The following FAM81A variants were observed in gnomAD, a reference collection of about 807,000 sequenced individuals.
FAM81A encodes the protein protein FAM81A.
Under a neutral mutation model 46.7 loss-of-function variants are expected in FAM81A, and 19 were observed. The observed-to-expected ratio is 0.41, with a 90% CI of 0.28 to 0.60. The LOEUF is 0.60. FAM81A is among the 20% of genes least tolerant of loss of function. The pLI, the probability that FAM81A is intolerant of heterozygous loss-of-function variation, is 0.34. For missense variants in FAM81A, 377 were observed against 453.5 expected, an observed-to-expected ratio of 0.83 and a Z score of 1.53; for synonymous variants, 183 against 152.9, an observed-to-expected ratio of 1.20 and a Z score of -1.45.
chr15:59,466,923 A>G (rs1454503471), intron 3 of FAM81A, among the ~76,000 whole-genome samples: 1 of 152,150 alleles, frequency 6.6e-6, no homozygotes, highest in Non-Finnish European at 1.5e-5. Flanking sequence ...CTTTCTGCAT[A>G]TGGCTAGCCA....
rs1032175021 is a variant in FAM81A, at chr15:59,514,185, C to T, written c.651-104C>T. 4.2e-6 allele frequency: 5 copies of T among 1,181,050 alleles called. No homozygotes were observed. In the East Asian group the frequency reaches 7.8e-5, roughly 18 times the overall value. 73.2% of individuals were successfully genotyped at this position (1,181,050 alleles called of 1,614,324 possible). On this transcript the variant is annotated intron_variant, in intron 6 of 8. Coordinates refer to ENST00000288228, the MANE Select transcript of FAM81A (RefSeq NM_152450.3). ...GCAAACCACCATGGCACATGTTTAC[C>T]TGTGTAACAAATCTGTATATCCTCA...
rs958203454 is a variant in FAM81A, at chr15:59,428,337, A to G, written c.-78+25979A>G. 6.6e-5 allele frequency among the ~76,000 whole-genome samples: 10 copies of G among 152,040 alleles called. No homozygotes were observed. In the East Asian group the frequency reaches 1.2e-3, roughly 18 times the overall value. On this transcript the variant is annotated intron_variant, in intron 2 of 4. Coordinates refer to the FAM81A transcript ENST00000558348. The stretch of plus-strand genomic sequence containing the variant: ...TCAGATGAGTCCTCTACTTAATCCA[A>G]TCTGCAGTGATTGCTCTCCATCAGA...
chr15:59,416,771 A>G (rs2081148509), intron 2 of FAM81A, among the ~76,000 whole-genome samples: 1 of 152,154 alleles, frequency 6.6e-6, no homozygotes, highest in African/African-American at 2.4e-5. Context: ...CAGGTATCCC[A>G]TACCTGTCAT....
chr15:59,468,807 G>C (rs186147046), intron 3 of FAM81A, among the ~76,000 whole-genome samples: 2 of 152,208 alleles, frequency 1.3e-5, no homozygotes, highest in East Asian at 3.9e-4. Flanking sequence ...TGTGTTGTTA[G>C]GGTGTCAAAT....
At chr15:59,515,776 A>G (rs2141840173) in intron 7 of FAM81A, among the ~76,000 whole-genome samples, 1 of 152,356 alleles carries the variant, frequency 6.6e-6, no homozygotes, top group East Asian at 1.9e-4. Flanking sequence ...CACTGTTTAT[A>G]TATGGATTGG....
intron 3 of FAM81A, among the ~76,000 whole-genome samples, chr15:59,476,605 A>AG (rs2081772292): frequency 1.3e-5 from 2 of 149,964 alleles, no homozygotes; most frequent in African/African-American, 4.9e-5. Context: ...GGCCAACATG[A>AG]TGAAACCCCA....
intron 2 of FAM81A, among the ~76,000 whole-genome samples, chr15:59,421,408 GAA>G (rs1204206067): frequency 6.6e-6 from 1 of 152,146 alleles, no homozygotes; most frequent in Non-Finnish European, 1.5e-5. Context: ...GTTTCTGGAG[GAA>G]AATGGGCAGC....
At chr15:59,448,541 G>GATAGA (rs1555428230) in intron 1 of FAM81A, among the ~76,000 whole-genome samples, 66 of 151,920 alleles carry the variant, frequency 4.3e-4, no homozygotes, top group Middle Eastern at 3.4e-3. Context: ...AGATAGATAG[G>GATAGA]TAGATAGATA....
chr15:59,448,904 A>G (rs923905349), intron 1 of FAM81A, among the ~76,000 whole-genome samples: 3 of 152,140 alleles, frequency 2.0e-5, no homozygotes, highest in Non-Finnish European at 4.4e-5. Flanking sequence ...GCCTGAAATG[A>G]TCATCCTACT....
intron 1 of FAM81A, among the ~76,000 whole-genome samples, chr15:59,454,115 G>A (rs982376041): frequency 6.6e-6 from 1 of 152,214 alleles, no homozygotes; most frequent in East Asian, 1.9e-4. Flanking sequence ...ACCTTCCACT[G>A]TTCCTGCCCT....
intron 3 of FAM81A, among the ~76,000 whole-genome samples, chr15:59,484,066 C>G (rs1476757230): frequency 6.6e-6 from 1 of 152,212 alleles, no homozygotes; most frequent in Non-Finnish European, 1.5e-5. Flanking sequence ...CTCAAGACTA[C>G]CTACTTAAGG....
chr15:59,401,127 T>C, intron 1 of FAM81A: 3 of 693,308 alleles, frequency 4.3e-6, no homozygotes, highest in Non-Finnish European at 5.4e-6. Context: ...ATTGCAGACA[T>C]GTATGGCTGT....
chr15:59,516,538 C>T, intron 7 of FAM81A, 107 bp from the exon 8 acceptor site: 2 of 1,121,904 alleles, frequency 1.8e-6, no homozygotes, highest in Middle Eastern at 4.7e-4. Context: ...GCAGCTGTTG[C>T]AAATCTGTTT....
intron 3 of FAM81A, among the ~76,000 whole-genome samples, chr15:59,476,136 C>A (rs1031585966): frequency 1.3e-5 from 2 of 152,100 alleles, no homozygotes; most frequent in Non-Finnish European, 2.9e-5. Context: ...TAATCCCATT[C>A]GTGAAGATTC....
intron 2 of FAM81A, among the ~76,000 whole-genome samples, chr15:59,423,043 C>G (rs1596464704): frequency 6.6e-6 from 1 of 152,058 alleles, no homozygotes; most frequent in South Asian, 2.1e-4. Context: ...TATATATTTT[C>G]TTTTCCAATC....
At chr15:59,512,113 C>T (rs1355982772) in intron 6 of FAM81A, among the ~76,000 whole-genome samples, 1 of 152,152 alleles carries the variant, frequency 6.6e-6, no homozygotes, top group Non-Finnish European at 1.5e-5. Flanking sequence ...ATGAATCTCA[C>T]AGACATATGT....
intron 3 of FAM81A, among the ~76,000 whole-genome samples, chr15:59,465,034 A>G (rs1156983124): frequency 6.6e-6 from 1 of 152,036 alleles, no homozygotes; most frequent in African/African-American, 2.4e-5. Flanking sequence ...TTGCATATGG[A>G]TGTCCAGCTT....
At position 59,514,518 on chromosome 15, in the gene FAM81A, A is replaced by G. The variant is rs149426022; in HGVS notation, c.786+94A>G. 1,688 of 1,429,284 alleles carry G rather than the reference A, an allele frequency of 1.2e-3. 21 individuals carry two copies. In the African/African-American group the frequency reaches 0.021, roughly 18 times the overall value. The allele number at this position is 1,429,284 out of a possible 1,614,324, so 88.5% of individuals were successfully genotyped here. ...ATACCTAGTAATTTATCACTGATTTAGCTGTTCAATTGTTTCTTGCCTTAA... is the reference window on the plus strand; with the variant it reads ...ATACCTAGTAATTTATCACTGATTTGGCTGTTCAATTGTTTCTTGCCTTAA... On this transcript the variant is annotated intron_variant, in intron 7 of 8. Coordinates refer to ENST00000288228, the MANE Select transcript of FAM81A (RefSeq NM_152450.3).
chr15:59,439,382 G>T (rs1228505184), intron 1 of FAM81A, among the ~76,000 whole-genome samples: 1 of 151,390 alleles, frequency 6.6e-6, no homozygotes, highest in Admixed American at 6.6e-5. Context: ...CTGAATGCGC[G>T]TGTGTGTATG....
Sources: allele counts gnomAD v4.1 joint callset (sites outside exome capture counted in the v4.1 genomes callset), GRCh38; gene constraint gnomAD v4.1.1; transcripts MANE v1.5; gene names NCBI Gene and HGNC (gene_info 2026-07-23, HGNC 2026-07-21).